TMTC1: variants seen among roughly 807,000 people sequenced by gnomAD.
TMTC1 encodes the protein transmembrane O-mannosyltransferase targeting cadherins 1.
In TMTC1, 73 loss-of-function variants were observed where a neutral mutation model predicts 104.8. The ratio of observed to expected loss-of-function variants is 0.70; its 90% CI spans 0.58 to 0.85. TMTC1 has a LOEUF of 0.85. Ranked by LOEUF, TMTC1 falls within the 40% of genes least tolerant of loss-of-function variation. TMTC1 has a pLI of 0.00. For synonymous variants in TMTC1, 434 were observed against 428.7 expected, an observed-to-expected ratio of 1.01 and a Z score of -0.15; for missense variants, 1,035 against 1,096.1, an observed-to-expected ratio of 0.94 and a Z score of 0.79.
At chr12:29,550,514 G>A (rs932268254) in intron 10 of TMTC1, among the ~76,000 whole-genome samples, 1 of 152,052 alleles carries the variant, frequency 6.6e-6, no homozygotes, top group Non-Finnish European at 1.5e-5. Flanking sequence ...CCTTTAAAGT[G>A]TCAGCGGGAA....
At chr12:29,561,849 T>C (rs1185931981) in intron 9 of TMTC1, among the ~76,000 whole-genome samples, 1 of 152,202 alleles carries the variant, frequency 6.6e-6, no homozygotes, top group African/African-American at 2.4e-5. Flanking sequence ...CCGATTTTCA[T>C]ACCACACATT....
intron 10 of TMTC1, among the ~76,000 whole-genome samples, chr12:29,541,821 G>A (rs1458509369): frequency 6.6e-6 from 1 of 151,966 alleles, no homozygotes; most frequent in Admixed American, 6.6e-5. Context: ...ACCACGCCCA[G>A]CTAACTTTTG....
intron 1 of TMTC1, among the ~76,000 whole-genome samples, chr12:29,769,396 C>T (rs1308069471): frequency 6.6e-6 from 1 of 152,090 alleles, no homozygotes; most frequent in Non-Finnish European, 1.5e-5. Context: ...CTGCACACAC[C>T]CCAGCATCCT....
intron 11 of TMTC1, chr12:29,532,627 G>C (rs1020779292): frequency 6.6e-6 from 1 of 150,548 alleles, no homozygotes; most frequent in Non-Finnish European, 1.5e-5. Flanking sequence ...ATAAATATTA[G>C]TATGGAACAC....
intron 7 of TMTC1, among the ~76,000 whole-genome samples, chr12:29,587,982 G>A (rs2136345331): frequency 6.6e-6 from 1 of 152,290 alleles, no homozygotes; most frequent in Non-Finnish European, 1.5e-5. Context: ...AAACAAGAGA[G>A]AGGCATTTGA....
At chr12:29,565,573 G>T (rs1436347426) in intron 9 of TMTC1, among the ~76,000 whole-genome samples, 3 of 152,194 alleles carry the variant, frequency 2.0e-5, no homozygotes, top group Non-Finnish European at 4.4e-5. Context: ...AAGGCCAGGT[G>T]GAGTGGCTCA....
chr12:29,733,810 C>T (rs934437528), intron 5 of TMTC1, among the ~76,000 whole-genome samples: 2 of 152,198 alleles, frequency 1.3e-5, no homozygotes, highest in Non-Finnish European at 2.9e-5. Context: ...GAACTCAACA[C>T]ATCATGCTCT....
Position 29,517,527 on chromosome 12 carries a change from C to T in TMTC1, c.2069G>A (p.Gly690Glu). The change falls in exon 14 of 18, where the codon GGA becomes GAA. Residue 690 changes from glycine to glutamate, a missense_variant. Transcript: ENST00000539277. ...AHKAEILSPLGALYYNTGRYE... is the reference protein window; with the variant it reads ...AHKAEILSPLEALYYNTGRYE... ...TCGGCCAGTGTTGTAATACAGTGCT[C>T]CCAAAGGTGACAATATCTCAGCTTT... is the stretch of plus-strand genomic sequence containing the variant. 1 of 1,614,072 alleles carries T rather than the reference C, an allele frequency of 6.2e-7. No individual in the cohort carries two copies. Among genetic ancestry groups the T allele is most frequent in the South Asian group, 1.1e-5 (1 of 91,066 alleles).
chr12:29,728,711 T>C (rs1356245247), intron 5 of TMTC1, among the ~76,000 whole-genome samples: 1 of 151,944 alleles, frequency 6.6e-6, no homozygotes, highest in Non-Finnish European at 1.5e-5. Flanking sequence ...TAAAAAGCAC[T>C]GCTCTGGCAA....
At chr12:29,664,229 A>AAAT (rs1940184027) in intron 5 of TMTC1, among the ~76,000 whole-genome samples, 1 of 151,304 alleles carries the variant, frequency 6.6e-6, no homozygotes, top group South Asian at 2.1e-4. Context: ...AAAATAAAAA[A>AAAT]AATAAAATAA....
chr12:29,751,783 C>A lies in TMTC1; in HGVS notation c.821G>T (p.Gly274Val), dbSNP rs1447925924. ...TTTGTGAGGGAACCGCTGCTGCTTCCCATTCTCCCGGTGAGGATGGCCTGG... is the reference window on the plus strand; with the variant it reads ...TTTGTGAGGGAACCGCTGCTGCTTCACATTCTCCCGGTGAGGATGGCCTGG... Reference protein sequence around the residue: ...SLPGHPHRENGKQQRFPHKGA... With the variant: ...SLPGHPHRENVKQQRFPHKGA... The change falls in exon 5 of 18, where the codon GGG becomes GTG. Residue 274 changes from glycine (G) to valine (V), a missense_variant. By Grantham distance (109) the Gly-to-Val change is moderately radical. Coordinates refer to ENST00000539277, the MANE Select transcript of TMTC1 (RefSeq NM_001193451.2). The A allele has an allele frequency of 6.2e-7, 1 of 1,613,880 alleles. No individual in the cohort carries two copies. Among genetic ancestry groups the A allele is most frequent in the East Asian group, 2.2e-5 (1 of 44,838 alleles).
intron 11 of TMTC1, among the ~76,000 whole-genome samples, chr12:29,523,299 T>G (rs1944237132): frequency 6.6e-6 from 1 of 152,212 alleles, no homozygotes; most frequent in African/African-American, 2.4e-5. Context: ...CACTGCCATG[T>G]GGTCAGGGAG....
chr12:29,506,790 T>G lies in TMTC1; in HGVS notation c.*56A>C, dbSNP rs1355012307. The G allele has an allele frequency of 1.9e-6, 3 of 1,603,232 alleles. No individual in the cohort carries two copies. Among genetic ancestry groups the G allele is most frequent in the Non-Finnish European group, 1.7e-6 (2 of 1,171,392 alleles). On this transcript the variant is annotated 3_prime_UTR_variant, in exon 18 of 18. Transcript: ENST00000539277. The stretch of plus-strand genomic sequence containing the variant: ...TGCTGATGTGAAAGCAAGGCTTCCA[T>G]CACTCCCCTTTCAGAGGCACCACAT...
chr12:29,527,236 G>T (rs368062405), intron 11 of TMTC1, among the ~76,000 whole-genome samples: 1 of 152,206 alleles, frequency 6.6e-6, no homozygotes, highest in Non-Finnish European at 1.5e-5. Flanking sequence ...GGGAGAAGAG[G>T]CTCTGTTTTT....
intron 5 of TMTC1, among the ~76,000 whole-genome samples, chr12:29,654,257 A>G (rs1939652570): frequency 6.6e-6 from 1 of 152,246 alleles, no homozygotes; most frequent in African/African-American, 2.4e-5. Flanking sequence ...ATAAAAAGAC[A>G]AACAACCCAA....
intron 9 of TMTC1, among the ~76,000 whole-genome samples, chr12:29,560,205 A>C (rs12371221): frequency 0.19 from 28,310 of 152,110 alleles, 3,077 homozygotes; most frequent in East Asian, 0.37. Context: ...GATAGTGGTT[A>C]TTCCCTTCCC....
chr12:29,513,144 A>C (rs1344512255), intron 16 of TMTC1, among the ~76,000 whole-genome samples: 3 of 152,156 alleles, frequency 2.0e-5, no homozygotes, highest in Non-Finnish European at 4.4e-5. Flanking sequence ...ACCGTCTCTT[A>C]CCCACTTCTG....
intron 6 of TMTC1, among the ~76,000 whole-genome samples, chr12:29,626,691 T>G (rs571066462): frequency 6.6e-6 from 1 of 152,132 alleles, no homozygotes; most frequent in Non-Finnish European, 1.5e-5. Flanking sequence ...CACAAAACTC[T>G]TAGAAGAAAA....
intron 5 of TMTC1, among the ~76,000 whole-genome samples, chr12:29,724,066 C>T (rs776722059): frequency 7.2e-5 from 11 of 152,038 alleles, no homozygotes; most frequent in Non-Finnish European, 1.2e-4. Context: ...ACTACATTAA[C>T]GACCCTAAGA....
Sources: gnomAD v4.1 joint callset for allele counts (sites outside exome capture counted in the v4.1 genomes callset) on GRCh38, gnomAD v4.1.1 for gene constraint, MANE v1.5 for transcripts, NCBI Gene and HGNC (gene_info 2026-07-23, HGNC 2026-07-21) for gene names.